The following NRCAM variants were observed in gnomAD, a reference collection of about 807,000 sequenced individuals.
NRCAM encodes NgCAM-related cell adhesion molecule.
In NRCAM, 83 loss-of-function variants were observed where a neutral mutation model predicts 156.5. The observed-to-expected ratio is 0.53, with a 90% CI of 0.44 to 0.64. The LOEUF is 0.64. NRCAM is among the 30% of genes least tolerant of loss of function. The pLI, the probability that NRCAM is intolerant of heterozygous loss-of-function variation, is 0.00. For synonymous variants in NRCAM, 538 were observed against 563.9 expected, an observed-to-expected ratio of 0.95 and a Z score of 0.65; for missense variants, 1,417 against 1,597.3, an observed-to-expected ratio of 0.89 and a Z score of 1.92.
At chr7:108,414,518 A>G (rs1563701804) in intron 1 of NRCAM, among the ~76,000 whole-genome samples, 3 of 152,220 alleles carry the variant, frequency 2.0e-5, no homozygotes, top group Admixed American at 1.3e-4. Context: ...GAGGCATAAA[A>G]GAAGTGAATC....
chr7:108,437,544 C>T (rs1201859284), intron 1 of NRCAM, among the ~76,000 whole-genome samples: 1 of 151,888 alleles, frequency 6.6e-6, no homozygotes, highest in African/African-American at 2.4e-5. Flanking sequence ...TCATGTACCT[C>T]ATAACTATAC....
At chr7:108,228,327 A>AAAC (rs1055540113) in intron 8 of NRCAM, among the ~76,000 whole-genome samples, 21 of 149,674 alleles carry the variant, frequency 1.4e-4, no homozygotes, top group African/African-American at 4.6e-4. Flanking sequence ...ATCTAAAACA[A>AAAC]AAAAAAAAAC....
At chr7:108,197,739 C>T (rs1334777139) in intron 14 of NRCAM, among the ~76,000 whole-genome samples, 2 of 152,152 alleles carry the variant, frequency 1.3e-5, no homozygotes, top group Admixed American at 6.5e-5. Flanking sequence ...TTGACTAGTT[C>T]TACAATGAAG....
At chr7:108,200,729 T>C (rs985763593) in intron 13 of NRCAM, among the ~76,000 whole-genome samples, 1 of 135,606 alleles carries the variant, frequency 7.4e-6, no homozygotes, top group Admixed American at 8.4e-5. Context: ...AATGAGTGGA[T>C]AAAGAAATAC....
intron 20 of NRCAM, among the ~76,000 whole-genome samples, chr7:108,187,527 C>A (rs989197835): frequency 6.6e-6 from 1 of 152,134 alleles, no homozygotes; most frequent in African/African-American, 2.4e-5. Context: ...ACAATTATAC[C>A]CCTAGCTCCA....
At chr7:108,171,046 T>A (rs2058167518) in intron 28 of NRCAM, among the ~76,000 whole-genome samples, 1 of 152,222 alleles carries the variant, frequency 6.6e-6, no homozygotes, top group South Asian at 2.1e-4. Flanking sequence ...TCCTAAGGCA[T>A]GCTGTTTAGC....
At chr7:108,335,005 G>C (rs1364131100) in intron 2 of NRCAM, among the ~76,000 whole-genome samples, 1 of 152,024 alleles carries the variant, frequency 6.6e-6, no homozygotes, top group Non-Finnish European at 1.5e-5. Context: ...ACTGTTTTAG[G>C]CATATTTACA....
chr7:108,353,271 T>C (rs1244043678), intron 2 of NRCAM, among the ~76,000 whole-genome samples: 1 of 152,164 alleles, frequency 6.6e-6, no homozygotes, highest in Non-Finnish European at 1.5e-5. Flanking sequence ...ACTTCCATTT[T>C]AGAATCCTAA....
At chr7:108,287,460 T>C (rs1191551803) in intron 3 of NRCAM, among the ~76,000 whole-genome samples, 1 of 151,570 alleles carries the variant, frequency 6.6e-6, no homozygotes, top group East Asian at 1.9e-4. Flanking sequence ...CCAGAATCTA[T>C]GAGGAACTCA....
At chr7:108,243,194 C>G (rs543218099) in intron 3 of NRCAM, 1 of 151,974 alleles carries the variant, frequency 6.6e-6, no homozygotes, top group Non-Finnish European at 1.5e-5. Context: ...TAGAGGAGGA[C>G]GAAGCAATGG....
At chr7:108,404,925 A>G (rs2099803101) in intron 1 of NRCAM, among the ~76,000 whole-genome samples, 1 of 152,168 alleles carries the variant, frequency 6.6e-6, no homozygotes, top group African/African-American at 2.4e-5. Flanking sequence ...TCTCTTGGAA[A>G]TCTTGTGAGG....
At chr7:108,205,524 G>A (rs2080645701) in intron 13 of NRCAM, among the ~76,000 whole-genome samples, 1 of 152,162 alleles carries the variant, frequency 6.6e-6, no homozygotes, top group Non-Finnish European at 1.5e-5. Flanking sequence ...TGCCAAGCTT[G>A]AGGGTTTATC....
chr7:108,368,227 C>CA (rs1554569285), intron 2 of NRCAM, among the ~76,000 whole-genome samples: 1 of 99,228 alleles, frequency 1.0e-5, no homozygotes, highest in East Asian at 4.9e-4. Context: ...CTTTCATACC[C>CA]CCCCCCACCC....
At chr7:108,255,649 T>C (rs1220741993) in intron 3 of NRCAM, among the ~76,000 whole-genome samples, 3 of 148,564 alleles carry the variant, frequency 2.0e-5, no homozygotes, top group Non-Finnish European at 3.0e-5. Context: ...GTGAGGAGCG[T>C]CTCTGCCCGG....
chr7:108,449,489 C>T (rs936256719), intron 1 of NRCAM, among the ~76,000 whole-genome samples: 1 of 152,144 alleles, frequency 6.6e-6, no homozygotes, highest in African/African-American at 2.4e-5. Context: ...AAAGGCACAC[C>T]AGGTTTTGGA....
intron 2 of NRCAM, among the ~76,000 whole-genome samples, chr7:108,346,241 A>G (rs1020983699): frequency 1.6e-4 from 24 of 152,330 alleles, no homozygotes; most frequent in Non-Finnish European, 1.2e-4. Flanking sequence ...ACGGATGACG[A>G]AACTTTGGGC....
chr7:108,425,249 G>T (rs1815609928), intron 1 of NRCAM, among the ~76,000 whole-genome samples: 2 of 152,304 alleles, frequency 1.3e-5, no homozygotes, highest in Middle Eastern at 3.4e-3. Flanking sequence ...GAATAACTCA[G>T]AAGAAATGGA....
intron 1 of NRCAM, among the ~76,000 whole-genome samples, chr7:108,423,034 G>C (rs1467792517): frequency 6.6e-6 from 1 of 152,044 alleles, no homozygotes. Context: ...ATGTGAAATA[G>C]AGTTAAAGAC....
intron 11 of NRCAM, among the ~76,000 whole-genome samples, chr7:108,215,903 C>T (rs1185832149): frequency 7.9e-5 from 12 of 152,140 alleles, no homozygotes; most frequent in Non-Finnish European, 1.6e-4. Context: ...GGCATTTAGC[C>T]CTTTACATTT....
Sources: allele counts gnomAD v4.1 joint callset (sites outside exome capture counted in the v4.1 genomes callset), GRCh38; gene constraint gnomAD v4.1.1; transcripts MANE v1.5; gene names NCBI Gene and HGNC (gene_info 2026-07-23, HGNC 2026-07-21).